DOK5: variants seen among roughly 807,000 people sequenced by gnomAD.
The protein encoded by DOK5 is downstream of tyrosine kinase 5.
A neutral mutation model predicts 43.3 loss-of-function variants in DOK5; 27 were observed. That is an observed-to-expected ratio of 0.62 (90% confidence interval 0.46 to 0.86). DOK5 has a LOEUF of 0.86. DOK5 is among the 40% of genes least tolerant of loss of function. The probability of loss-of-function intolerance (pLI) is 0.00; values close to 1 mark genes in which losing one functional copy is unlikely to be tolerated. For synonymous variants in DOK5, 146 were observed against 140.1 expected (o/e 1.04, Z -0.30); for missense variants, 373 against 392.9 (o/e 0.95, Z 0.43).
intron 6 of DOK5, among the ~76,000 whole-genome samples, chr20:54,614,372 G>A (rs921369421): frequency 6.6e-6 from 1 of 152,176 alleles, no homozygotes; most frequent in African/African-American, 2.4e-5. Flanking sequence ...GAGTGAGAGC[G>A]AGCTGTGAAG....
At chr20:54,617,852 A>C (rs1184514486) in intron 6 of DOK5, among the ~76,000 whole-genome samples, 1 of 152,198 alleles carries the variant, frequency 6.6e-6, no homozygotes, top group Non-Finnish European at 1.5e-5. Flanking sequence ...TTGAACATCT[A>C]CTATATGCCC....
At chr20:54,610,344 T>C (rs2146792881) in intron 5 of DOK5, 44 bp from the exon 6 acceptor site, 1 of 1,458,002 alleles carries the variant, frequency 6.9e-7, no homozygotes, top group Non-Finnish European at 9.1e-7. Flanking sequence ...ATTGAACTTC[T>C]AGGCGCTGGA....
At chr20:54,598,264 G>A (rs1488559293) in intron 5 of DOK5, among the ~76,000 whole-genome samples, 2 of 152,172 alleles carry the variant, frequency 1.3e-5, no homozygotes, top group Non-Finnish European at 2.9e-5. Context: ...CTTGGAGACA[G>A]AGAATAATTA....
chr20:54,629,809 C>G (rs1978479035), intron 6 of DOK5, among the ~76,000 whole-genome samples: 1 of 152,234 alleles, frequency 6.6e-6, no homozygotes, highest in Admixed American at 6.5e-5. Context: ...CCCAGGCAGA[C>G]AGCCATTCCT....
intron 1 of DOK5, among the ~76,000 whole-genome samples, chr20:54,551,054 G>T (rs1984513298): frequency 6.6e-6 from 1 of 152,096 alleles, no homozygotes; most frequent in African/African-American, 2.4e-5. Flanking sequence ...ATCCTTGTCT[G>T]CATTTGGTGG....
At chr20:54,634,586 C>T (rs373189600) in intron 6 of DOK5, among the ~76,000 whole-genome samples, 10 of 151,612 alleles carry the variant, frequency 6.6e-5, no homozygotes, top group Admixed American at 4.6e-4. Context: ...GGACTACAGG[C>T]GCCCGCCACC....
intron 1 of DOK5, among the ~76,000 whole-genome samples, chr20:54,487,642 A>G (rs993823867): frequency 7.2e-5 from 11 of 152,166 alleles, no homozygotes; most frequent in African/African-American, 2.7e-4. Context: ...TTCTTTACTT[A>G]TAGCCGCCAA....
At chr20:54,541,355 A>G (rs1262967705) in intron 1 of DOK5, among the ~76,000 whole-genome samples, 1 of 152,178 alleles carries the variant, frequency 6.6e-6, no homozygotes, top group Non-Finnish European at 1.5e-5. Context: ...AAGTTGGATT[A>G]TATCACTTCC....
chr20:54,505,660 A>AAGAG (rs11474008), intron 1 of DOK5, among the ~76,000 whole-genome samples: 4,962 of 152,006 alleles, frequency 0.033, 271 homozygotes, highest in African/African-American at 0.11. Context: ...AAGAGAGAGA[A>AAGAG]AGAGAGAGTA....
chr20:54,570,760 T>A (rs1207784218), intron 2 of DOK5, among the ~76,000 whole-genome samples: 1 of 152,212 alleles, frequency 6.6e-6, no homozygotes, highest in Non-Finnish European at 1.5e-5. Context: ...CTGAAGGGAA[T>A]GTGCCTTTAA....
chr20:54,575,543 T>A (rs541091002), intron 2 of DOK5, among the ~76,000 whole-genome samples: 2 of 152,068 alleles, frequency 1.3e-5, no homozygotes, highest in Admixed American at 1.3e-4. Context: ...CAGGTTCAAG[T>A]GATTATCCTG....
At chr20:54,484,687 T>A (rs1981859177) in intron 1 of DOK5, among the ~76,000 whole-genome samples, 1 of 152,162 alleles carries the variant, frequency 6.6e-6, no homozygotes, top group Admixed American at 6.5e-5. Context: ...ACTAATCTGT[T>A]TTCCTTTTGT....
rs1768349713 is a variant in DOK5, at chr20:54,553,931, T to A, written c.67-1002T>A. Among the ~76,000 whole-genome samples, 4 of 151,790 alleles carry A rather than the reference T, an allele frequency of 2.6e-5. No homozygotes were observed. In the South Asian group the frequency reaches 8.3e-4, roughly 32 times the overall value. On this transcript the variant is annotated intron_variant, in intron 1 of 7. Transcript: ENST00000262593. ...AAAAAAAAAAATTATACTTAGTAATTTTTAGGTTTAAAAATGTCTCATTTT... is the reference window on the plus strand; with the variant it reads ...AAAAAAAAAAATTATACTTAGTAATATTTAGGTTTAAAAATGTCTCATTTT...
intron 6 of DOK5, among the ~76,000 whole-genome samples, chr20:54,614,423 T>C (rs1986742918): frequency 6.6e-6 from 1 of 152,156 alleles, no homozygotes; most frequent in Non-Finnish European, 1.5e-5. Flanking sequence ...CAACATGTCA[T>C]TGTATTAGTG....
At chr20:54,564,161 C>T (rs1229561963) in intron 2 of DOK5, among the ~76,000 whole-genome samples, 1 of 152,208 alleles carries the variant, frequency 6.6e-6, no homozygotes, top group Non-Finnish European at 1.5e-5. Flanking sequence ...CGGTGGCTCA[C>T]GCCTGTAATC....
intron 7 of DOK5, among the ~76,000 whole-genome samples, chr20:54,644,718 A>AAAAAAAAAAAAAAAAC (rs1555839806): frequency 4.8e-4 from 68 of 142,540 alleles, no homozygotes; most frequent in African/African-American, 1.9e-3. Context: ...AAAAAAAAAA[A>AAAAAAAAAAAAAAAAC]AAAAAACAAA....
intron 1 of DOK5, among the ~76,000 whole-genome samples, chr20:54,546,060 C>T (rs374328438): frequency 9.9e-4 from 150 of 152,240 alleles, no homozygotes; most frequent in Middle Eastern, 3.4e-3. Context: ...AGCTTATTTT[C>T]CAGATTCAGG....
At chr20:54,633,613 A>C (rs924982827) in intron 6 of DOK5, among the ~76,000 whole-genome samples, 1 of 152,230 alleles carries the variant, frequency 6.6e-6, no homozygotes, top group Admixed American at 6.5e-5. Context: ...TCTTATCAAG[A>C]CAGTGTCTTT....
At position 54,588,516 on chromosome 20, in the gene DOK5, C is replaced by T. The variant is rs745756056; in HGVS notation, c.208C>T (p.Arg70Ter). 3.3e-5 allele frequency: 54 copies of T among 1,613,978 alleles called. No individual in the cohort carries two copies. The highest frequency in any genetic ancestry group is 4.2e-5 in the Non-Finnish European group (49 of 1,180,008). ...TELNNVKNVARLPKSTKKHAI... is the reference protein window; with the variant it reads ...TELNNVKNVA ...ACTCAATAATGTGAAGAACGTAGCT[C>T]GATTGCCAAAAAGCACCAAGAAACA... The change falls in exon 3 of 8, where the codon CGA becomes TGA. Residue 70 changes from arginine to a stop codon, truncating the protein, a stop_gained. Coordinates refer to ENST00000262593, the MANE Select transcript of DOK5 (RefSeq NM_018431.5). LOFTEE classifies it high-confidence loss of function.
Sources: allele counts gnomAD v4.1 joint callset (sites outside exome capture counted in the v4.1 genomes callset), GRCh38; gene constraint gnomAD v4.1.1; transcripts MANE v1.5; gene names NCBI Gene and HGNC (gene_info 2026-07-23, HGNC 2026-07-21).